L3MBTL3: variants seen among roughly 807,000 people sequenced by gnomAD.
L3MBTL3 encodes L3MBTL histone methyl-lysine binding protein 3.
Under a neutral mutation model 102.3 loss-of-function variants are expected in L3MBTL3, and 27 were observed. The observed-to-expected ratio is 0.26, with a 90% CI of 0.19 to 0.36. The LOEUF (loss-of-function observed/expected upper bound fraction) is 0.36, where lower values mean the gene tolerates loss of function less well. Among genes scored for constraint, L3MBTL3 ranks in the 10% least tolerant of loss-of-function variants. The pLI is 1.00. For synonymous variants in L3MBTL3, 340 were observed against 320.9 expected (o/e 1.06, Z -0.64); for missense variants, 798 against 955.3 (o/e 0.84, Z 2.17).
At chr6:130,089,390 A>C (rs1002454995) in intron 16 of L3MBTL3, among the ~76,000 whole-genome samples, 3 of 152,172 alleles carry the variant, frequency 2.0e-5, no homozygotes, top group Non-Finnish European at 4.4e-5. Context: ...TGCAGAAGAC[A>C]TGAACTCATC....
intron 9 of L3MBTL3, among the ~76,000 whole-genome samples, chr6:130,058,485 AAAATT>A (rs1781673570): frequency 6.6e-6 from 1 of 152,112 alleles, no homozygotes; most frequent in East Asian, 1.9e-4. Context: ...AAAAAAAAAA[AAAATT>A]AAAAATATAG....
intron 22 of L3MBTL3, among the ~76,000 whole-genome samples, chr6:130,136,170 C>T (rs2114464534): frequency 6.6e-6 from 1 of 152,306 alleles, no homozygotes. Flanking sequence ...TTTCCTGCTT[C>T]TGTTTTTGCT....
intron 2 of L3MBTL3, among the ~76,000 whole-genome samples, chr6:130,023,220 C>T (rs900882581): frequency 6.6e-6 from 1 of 151,600 alleles, no homozygotes; most frequent in Non-Finnish European, 1.5e-5. Context: ...CTTCATTGGG[C>T]CAGGTGTAAT....
intron 18 of L3MBTL3, among the ~76,000 whole-genome samples, chr6:130,098,483 T>C (rs1784488656): frequency 6.6e-6 from 1 of 152,216 alleles, no homozygotes; most frequent in Admixed American, 6.5e-5. Context: ...TAATGAGGTA[T>C]GTTACGGAGT....
chr6:130,135,109 G>C (rs1443750241), intron 22 of L3MBTL3, among the ~76,000 whole-genome samples: 4 of 126,208 alleles, frequency 3.2e-5, no homozygotes, highest in Non-Finnish European at 6.4e-5. Flanking sequence ...ATGGAGTCTT[G>C]CTCTTCTCTC....
chr6:130,040,465 GTTGACATA>G (rs1450815522), intron 2 of L3MBTL3, among the ~76,000 whole-genome samples: 4 of 151,952 alleles, frequency 2.6e-5, no homozygotes, highest in African/African-American at 9.7e-5. Flanking sequence ...TCTCCCAAGT[GTTGACATA>G]TTTCATTATG....
chr6:130,139,725 C>A lies in L3MBTL3; in HGVS notation c.2315C>A (p.Ala772Glu). 1 of 1,613,176 alleles carries A rather than the reference C, an allele frequency of 6.2e-7. No individual in the cohort carries two copies. Among genetic ancestry groups the A allele is most frequent in the Non-Finnish European group, 8.5e-7 (1 of 1,179,532 alleles). Reference protein sequence around the residue: ...IFNSILMFKAAEKNSHNEL With the variant: ...IFNSILMFKAEEKNSHNEL ...AATTCCATCCTGATGTTCAAAGCTG[C>A]AGAGAAGAATTCTCACAATGAACTT... Residue 772 changes from alanine to glutamate, a missense_variant, in exon 23 of 23, where the codon GCA (alanine) becomes GAA (glutamate). Around this residue, in one of 4 missense-constraint regions of L3MBTL3, gnomAD observed 48 missense variants for 107.0 expected, o/e 0.45. Transcript: ENST00000361794.
intron 13 of L3MBTL3, 27 bp from the exon 14 acceptor site, chr6:130,078,531 C>G: frequency 6.6e-7 from 1 of 1,512,370 alleles, no homozygotes; most frequent in East Asian, 2.3e-5. Flanking sequence ...CTGATAATTG[C>G]AGTTTTTTAA....
At chr6:130,114,862 T>G (rs1785562155) in intron 19 of L3MBTL3, among the ~76,000 whole-genome samples, 1 of 152,196 alleles carries the variant, frequency 6.6e-6, no homozygotes, top group African/African-American at 2.4e-5. Flanking sequence ...CATCTTTTTC[T>G]GAATCCCTTC....
At position 130,060,268 on chromosome 6, in the gene L3MBTL3, A is replaced by G. The variant is rs1781803994; in HGVS notation, c.864+128A>G. On this transcript the variant is annotated intron_variant, in intron 10 of 22. Coordinates refer to ENST00000361794, the MANE Select transcript of L3MBTL3 (RefSeq NM_032438.4). The stretch of plus-strand genomic sequence containing the variant: ...CTTACTGTTTTGTGTGCATTATTTC[A>G]TTTAATCTTTGTAAGAATCCTGTGC... 8.5e-6 allele frequency: 5 copies of G among 588,738 alleles called. No individual in the cohort carries two copies. The South Asian group carries it at 1.3e-4, about 15-fold the overall frequency. 36.5% of individuals were successfully genotyped at this position (588,738 alleles called of 1,614,324 possible). A position where few individuals can be genotyped will look rare whatever the true frequency, so the allele number is the denominator to read the frequency against.
At chr6:130,060,851 C>A (rs1257255695) in intron 10 of L3MBTL3, among the ~76,000 whole-genome samples, 1 of 151,884 alleles carries the variant, frequency 6.6e-6, no homozygotes, top group African/African-American at 2.4e-5. Flanking sequence ...TCCCTTGAGC[C>A]AGAGGTATAT....
chr6:130,106,255 A>G (rs1047656395), intron 19 of L3MBTL3, among the ~76,000 whole-genome samples: 1 of 152,158 alleles, frequency 6.6e-6, no homozygotes, highest in Middle Eastern at 3.2e-3. Flanking sequence ...TACTTGGCAT[A>G]CCATCTTTTG....
intron 13 of L3MBTL3, among the ~76,000 whole-genome samples, chr6:130,074,351 TA>T (rs1782820356): frequency 6.6e-6 from 1 of 152,192 alleles, no homozygotes; most frequent in African/African-American, 2.4e-5. Flanking sequence ...TATATTAGAA[TA>T]AAAATGGCTT....
At chr6:130,081,640 T>C (rs1783360907) in intron 14 of L3MBTL3, among the ~76,000 whole-genome samples, 1 of 151,718 alleles carries the variant, frequency 6.6e-6, no homozygotes, top group South Asian at 2.1e-4. Flanking sequence ...TTAGCCAGGA[T>C]GGTCTCAATC....
intron 18 of L3MBTL3, among the ~76,000 whole-genome samples, chr6:130,103,694 A>C (rs1467824): frequency 0.99 from 150,591 of 152,312 alleles, 74,462 homozygotes; most frequent in Middle Eastern, 1. Flanking sequence ...AATGCTGAAG[A>C]CCTGGGCACA....
intron 20 of L3MBTL3, among the ~76,000 whole-genome samples, chr6:130,132,962 A>G (rs1554245205): frequency 6.7e-6 from 1 of 150,264 alleles, no homozygotes; most frequent in East Asian, 2.0e-4. Context: ...AATCAGTATG[A>G]TTAGTAAATA....
At chr6:130,139,240 T>G (rs1241064766) in intron 22 of L3MBTL3, among the ~76,000 whole-genome samples, 1 of 152,210 alleles carries the variant, frequency 6.6e-6, no homozygotes, top group South Asian at 2.1e-4. Flanking sequence ...CAAACATTCA[T>G]GTACCTGTTA....
At chr6:130,023,993 A>G (rs966639516) in intron 2 of L3MBTL3, among the ~76,000 whole-genome samples, 4 of 152,206 alleles carry the variant, frequency 2.6e-5, no homozygotes, top group African/African-American at 9.6e-5. Flanking sequence ...TAGTCATTTA[A>G]TAAGTAGAAG....
rs1458264382 is a variant in L3MBTL3, at chr6:130,034,894, G to A, written c.-15-7791G>A. Among the ~76,000 whole-genome samples the A allele has an allele frequency of 3.3e-5, 5 of 152,178 alleles. No individual in the cohort carries two copies. In the East Asian group the frequency reaches 7.7e-4, roughly 23 times the overall value. On this transcript the variant is annotated intron_variant, in intron 2 of 22. Coordinates refer to ENST00000361794, the MANE Select transcript of L3MBTL3 (RefSeq NM_032438.4). ...AACCATAAATACGTAGTCTGCGAAT[G>A]CATACCTGAGTTGTGGAGGAGTGAA...
Sources: gnomAD v4.1 joint callset for allele counts (sites outside exome capture counted in the v4.1 genomes callset) on GRCh38, gnomAD v4.1.1 for gene constraint, gnomAD v4.1.1 regional missense constraint, MANE v1.5 for transcripts, NCBI Gene and HGNC (gene_info 2026-07-23, HGNC 2026-07-21) for gene names.